The following FREM2 variants were observed in gnomAD, a reference collection of about 807,000 sequenced individuals.
The protein encoded by FREM2 is FRAS1 related extracellular matrix 2.
FREM2 carries 119 observed loss-of-function variants against 219.9 expected under a neutral mutation model. The ratio of observed to expected loss-of-function variants is 0.54; its 90% CI spans 0.47 to 0.63. The LOEUF (loss-of-function observed/expected upper bound fraction) is 0.63. FREM2 is among the 30% of genes least tolerant of loss of function. The pLI, the probability that FREM2 is intolerant of heterozygous loss-of-function variation, is 0.00. For missense variants in FREM2, 4,030 were observed against 3,993.6 expected, an observed-to-expected ratio of 1.01 and a Z score of -0.25; for synonymous variants, 1,562 against 1,522.8, an observed-to-expected ratio of 1.03 and a Z score of -0.60.
At chr13:38,861,631 C>A in intron 15 of FREM2, 69 bp downstream of exon 15, 2 of 1,536,982 alleles carry the variant, frequency 1.3e-6, no homozygotes, top group Non-Finnish European at 1.8e-6. Context: ...TATTTTCCTT[C>A]ATCTTCTAAA....
At position 38,882,460 on chromosome 13, in the gene FREM2, G is replaced by A. The variant is rs565718836; in HGVS notation, c.*1673G>A. The stretch of plus-strand genomic sequence containing the variant: ...AAGATAAGGAAGCAACACTGATACT[G>A]AGAGAGAGGTCATATGTCCAATAGT... On this transcript the variant is annotated 3_prime_UTR_variant, in exon 24 of 24. Transcript: ENST00000280481. The A allele has an allele frequency of 1.3e-5, 2 of 152,286 alleles. No individual in the cohort carries two copies. Among genetic ancestry groups the A allele is most frequent in the Non-Finnish European group, 2.9e-5 (2 of 68,024 alleles). 9.4% of individuals were successfully genotyped at this position (152,286 alleles called of 1,614,324 possible).
intron 14 of FREM2, among the ~76,000 whole-genome samples, chr13:38,860,012 T>G (rs538445169): frequency 2.6e-5 from 4 of 152,126 alleles, no homozygotes; most frequent in African/African-American, 9.6e-5. Flanking sequence ...AAAACAAGCA[T>G]GAGCAACAAC....
Position 38,884,708 on chromosome 13 carries a change from T to A in FREM2, c.*3921T>A, listed in dbSNP as rs1232292693. 1 of 152,132 alleles carries A rather than the reference T, an allele frequency of 6.6e-6. No individual in the cohort carries two copies. Among genetic ancestry groups the A allele is most frequent in the Non-Finnish European group, 1.5e-5 (1 of 68,014 alleles). The allele number at this position is 152,132 out of a possible 1,614,324, so 9.4% of individuals were successfully genotyped here. On this transcript the variant is annotated 3_prime_UTR_variant, in exon 24 of 24. Coordinates refer to ENST00000280481, the MANE Select transcript of FREM2 (RefSeq NM_207361.6). ...GACCCAAACGTTCAATCTGTTCAGT[T>A]TACCAAGGTTCAGAAATACGTAATT...
intron 2 of FREM2, among the ~76,000 whole-genome samples, chr13:38,727,655 A>G (rs1215702359): frequency 6.6e-6 from 1 of 152,240 alleles, no homozygotes; most frequent in African/African-American, 2.4e-5. Context: ...TAAACTCTCA[A>G]TACACACCTA....
chr13:38,857,851 G>C (rs1196499979), intron 12 of FREM2, 24 bp from the exon 13 acceptor site: 48 of 1,599,706 alleles, frequency 3.0e-5, no homozygotes, highest in Non-Finnish European at 4.1e-5. Flanking sequence ...TCACTAATCA[G>C]TGATAATTGT....
rs977586153 is a variant in FREM2, at chr13:38,687,321, T to G, written c.-24T>G. The G allele has an allele frequency of 3.8e-6, 6 of 1,581,862 alleles. No homozygotes were observed. Among genetic ancestry groups the G allele is most frequent in the Non-Finnish European group, 4.3e-6 (5 of 1,163,860 alleles). ...GACTTCGCATGCTCTCAGGCTGACC[T>G]GTCCAAGCCCGAACACCGGGACCAT... On this transcript the variant is annotated 5_prime_UTR_variant, in exon 1 of 24. Coordinates refer to ENST00000280481, the MANE Select transcript of FREM2 (RefSeq NM_207361.6).
Position 38,687,424 on chromosome 13 carries a change from C to T in FREM2, c.80C>T (p.Pro27Leu), listed in dbSNP as rs745648044. The T allele has an allele frequency of 3.1e-6, 5 of 1,603,356 alleles. No homozygotes were observed. The highest frequency in any genetic ancestry group is 1.1e-5 in the South Asian group (1 of 89,502). Residue 27 changes from proline to leucine, a missense_variant, in exon 1 of 24, where the codon CCG (proline) becomes CTG (leucine). By Grantham distance (98) the Pro-to-Leu change is moderately conservative. Transcript: ENST00000280481. ...AGCTTTCAACCAGGACCGCCACCGC[C>T]GCCCCGGCTGCTGCTGCTGCTGCTG... ...STSFQPGPPPPPRLLLLLLLL... is the reference protein window; with the variant it reads ...STSFQPGPPPLPRLLLLLLLL...
intron 2 of FREM2, among the ~76,000 whole-genome samples, chr13:38,734,738 C>CT (rs11314517): frequency 0.64 from 57,227 of 89,350 alleles, 20,799 homozygotes; most frequent in Non-Finnish European, 0.74. Flanking sequence ...CAGTGCTATA[C>CT]TTTTTTTTTT....
In FREM2 at chr13:38,807,860, GT is replaced by G. The variant is rs1445291374; in HGVS notation, c.6019+23054del. Among the ~76,000 whole-genome samples the G allele has an allele frequency of 2.6e-5, 4 of 152,060 alleles. No homozygotes were observed. The East Asian group carries it at 6.0e-4, about 23-fold the overall frequency. ...AAATGACCGTTGGCTTCAACCTAAAGTTACCAGCTGCATTAGCCCCTAATAA... is the reference window on the plus strand; with the variant it reads ...AAATGACCGTTGGCTTCAACCTAAAGTACCAGCTGCATTAGCCCCTAATAA... On this transcript the variant is annotated intron_variant, in intron 6 of 23. Coordinates refer to ENST00000280481, the MANE Select transcript of FREM2 (RefSeq NM_207361.6).
chr13:38,749,182 A>G (rs1404484788), intron 2 of FREM2, among the ~76,000 whole-genome samples: 1 of 152,156 alleles, frequency 6.6e-6, no homozygotes, highest in East Asian at 1.9e-4. Flanking sequence ...AATCATGCAT[A>G]CAGTATCAAA....
intron 7 of FREM2, among the ~76,000 whole-genome samples, chr13:38,847,696 A>G (rs117146363): frequency 0.018 from 2,666 of 152,270 alleles, 26 homozygotes; most frequent in Middle Eastern, 0.071. Context: ...TTTGGAGGTA[A>G]AGTAGATACA....
intron 2 of FREM2, among the ~76,000 whole-genome samples, chr13:38,746,196 A>G (rs1872476997): frequency 1.3e-5 from 2 of 152,198 alleles, no homozygotes; most frequent in Non-Finnish European, 2.9e-5. Flanking sequence ...TAGGCTCGAT[A>G]ACTGTGAACT....
chr13:38,695,284 C>G (rs941445192), intron 1 of FREM2, among the ~76,000 whole-genome samples: 8 of 151,744 alleles, frequency 5.3e-5, no homozygotes. Flanking sequence ...TTTAGAGGCT[C>G]TTTTTTGAAC....
Position 38,878,984 on chromosome 13 carries a change from CA to C in FREM2, c.9006+12del. ...CTCAACACCACTCTTTCAGGTAGGC[CA>C]AAAACAAGCTCATTTGTAGTAGTTG... On this transcript the variant is annotated splice_region_variant and intron_variant, in intron 23 of 23. Transcript: ENST00000280481. 1.2e-6 allele frequency: 2 copies of C among 1,613,780 alleles called. No homozygotes were observed. Among genetic ancestry groups the C allele is most frequent in the Non-Finnish European group, 8.5e-7 (1 of 1,179,686 alleles).
In FREM2 at chr13:38,690,638, G is replaced by T. The variant is rs770880706; in HGVS notation, c.3294G>T (p.Leu1098=). ...VHISAEDVDS[L]NDDILCTIVI... is the part of the protein sequence containing the mutation. ...TAAGTGCTGAAGATGTCGACTCCCT[G>T]AATGATGACATCTTGTGCACTATAG... is the stretch of plus-strand genomic sequence containing the variant. Residue 1098 remains leucine (L), a synonymous_variant, in exon 1 of 24, where the codon CTG becomes CTT. Coordinates refer to ENST00000280481, the MANE Select transcript of FREM2 (RefSeq NM_207361.6). 4.3e-6 allele frequency: 7 copies of T among 1,613,882 alleles called. No homozygotes were observed. The highest frequency in any genetic ancestry group is 5.9e-6 in the Non-Finnish European group (7 of 1,179,996).
At chr13:38,816,795 C>T (rs1490390233) in intron 6 of FREM2, among the ~76,000 whole-genome samples, 1 of 152,040 alleles carries the variant, frequency 6.6e-6, no homozygotes, top group African/African-American at 2.4e-5. Flanking sequence ...GCCCTGTTTG[C>T]AGATGACATG....
chr13:38,761,511 A>G (rs528175775), intron 2 of FREM2, among the ~76,000 whole-genome samples: 8 of 152,358 alleles, frequency 5.3e-5, no homozygotes, highest in Admixed American at 2.6e-4. Flanking sequence ...TTTTTTAAAA[A>G]CAATGAGAAC....
At chr13:38,806,562 G>A (rs1875236276) in intron 6 of FREM2, among the ~76,000 whole-genome samples, 2 of 151,892 alleles carry the variant, frequency 1.3e-5, no homozygotes. Context: ...GTCTAAAAAT[G>A]TACATACCTT....
chr13:38,847,192 G>T (rs1037805134), intron 7 of FREM2, among the ~76,000 whole-genome samples: 1 of 148,528 alleles, frequency 6.7e-6, no homozygotes, highest in Non-Finnish European at 1.5e-5. Context: ...TCCACACTTC[G>T]TTATAAAAAA....
Sources: allele counts gnomAD v4.1 joint callset (sites outside exome capture counted in the v4.1 genomes callset), GRCh38; gene constraint gnomAD v4.1.1; transcripts MANE v1.5; gene names NCBI Gene and HGNC (gene_info 2026-07-23, HGNC 2026-07-21).